PGM2: variants seen among roughly 807,000 people sequenced by gnomAD.
PGM2 encodes the protein phosphopentomutase.
PGM2 carries 57 observed loss-of-function variants against 74.6 expected under a neutral mutation model. The ratio of observed to expected loss-of-function variants is 0.76; its 90% confidence interval spans 0.62 to 0.95. The LOEUF (loss-of-function observed/expected upper bound fraction) is 0.95, where lower values mean the gene tolerates loss of function less well. Among genes scored for constraint, PGM2 ranks in the 40% least tolerant of loss-of-function variants. The pLI is 0.00. For missense variants in PGM2, 706 were observed against 741.9 expected (o/e 0.95, Z 0.56); for synonymous variants, 273 against 260.7 (o/e 1.05, Z -0.46).
intron 13 of PGM2, among the ~76,000 whole-genome samples, chr4:37,856,162 G>T (rs1443030852): frequency 6.6e-6 from 1 of 152,034 alleles, no homozygotes; most frequent in Non-Finnish European, 1.5e-5. Context: ...GAGGCAGGCG[G>T]ATCACGAGGT....
At chr4:37,854,257 T>C (rs1284974193) in intron 12 of PGM2, among the ~76,000 whole-genome samples, 1 of 152,238 alleles carries the variant, frequency 6.6e-6, no homozygotes, top group African/African-American at 2.4e-5. Flanking sequence ...CTATCAAATA[T>C]AAATATACCA....
At position 37,846,964 on chromosome 4, in the gene PGM2, G is replaced by A; in HGVS notation, c.1041G>A (p.Leu347=). ...GEWRVFSGNE[L]GALLGWWLFT... ...GGAGGGTGTTTTCAGGCAATGAGTT[G>A]GGGGCCCTCCTGGGCTGGTGGCTTT... Residue 347 remains leucine, a synonymous_variant, in exon 9 of 14, where the codon TTG becomes TTA. Transcript: ENST00000381967. The A allele has an allele frequency of 6.2e-7, 1 of 1,613,316 alleles. No homozygotes were observed. Among genetic ancestry groups the A allele is most frequent in the Non-Finnish European group, 8.5e-7 (1 of 1,179,630 alleles).
chr4:37,828,552 C>T (rs1306418121), intron 1 of PGM2, among the ~76,000 whole-genome samples: 1 of 152,170 alleles, frequency 6.6e-6, no homozygotes, highest in Admixed American at 6.5e-5. Context: ...GCCTTCATCC[C>T]TGCTCTTTTC....
In PGM2 at chr4:37,847,309, A is replaced by T. The variant is rs750266558; in HGVS notation, c.1282+14A>T. ...AAGAAGCTATTGGTAAGAAGTGATC[A>T]TGAACATTAAGGAATTGGCTGCAAG... is the stretch of plus-strand genomic sequence containing the variant. On this transcript the variant is annotated intron_variant, in intron 10 of 13. Coordinates refer to ENST00000381967, the MANE Select transcript of PGM2 (RefSeq NM_018290.4). 2.6e-6 allele frequency: 4 copies of T among 1,566,844 alleles called. No individual in the cohort carries two copies. Among genetic ancestry groups the T allele is most frequent in the African/African-American group, 2.7e-5 (2 of 73,952 alleles).
intron 4 of PGM2, among the ~76,000 whole-genome samples, chr4:37,839,046 T>C (rs964477606): frequency 1.3e-5 from 2 of 151,824 alleles, no homozygotes; most frequent in Non-Finnish European, 1.5e-5. Flanking sequence ...AGTTGAAATA[T>C]AAATATTTAA....
rs1725813991 is a variant in PGM2 at position 37,844,511 on chromosome 4, A to G, written c.867A>G (p.Pro289=). 3.7e-6 allele frequency: 6 copies of G among 1,613,956 alleles called. No individual in the cohort carries two copies. Among genetic ancestry groups the G allele is most frequent in the Non-Finnish European group, 5.1e-6 (6 of 1,179,854 alleles). The stretch of plus-strand genomic sequence containing the variant: ...AGAAAGATCCGGATCCTGAGTTTCC[A>G]ACAGTGAAATACCCGAATCCCGAAG... ...PEQKDPDPEF[P]TVKYPNPEEG... is the part of the protein sequence containing the mutation. Residue 289 remains proline (P), a synonymous_variant, in exon 7 of 14, where the codon CCA becomes CCG. Coordinates refer to ENST00000381967, the MANE Select transcript of PGM2 (RefSeq NM_018290.4).
intron 1 of PGM2, among the ~76,000 whole-genome samples, chr4:37,828,551 C>T (rs1409403216): frequency 1.3e-5 from 2 of 152,132 alleles, no homozygotes; most frequent in East Asian, 3.9e-4. Flanking sequence ...TGCCTTCATC[C>T]CTGCTCTTTT....
intron 8 of PGM2, among the ~76,000 whole-genome samples, chr4:37,846,108 G>A (rs543302221): frequency 6.6e-6 from 1 of 152,320 alleles, no homozygotes; most frequent in East Asian, 1.9e-4. Flanking sequence ...GGAGGGAGCA[G>A]TACCTTCAAG....
At chr4:37,854,648 G>A (rs778058723) in intron 12 of PGM2, among the ~76,000 whole-genome samples, 1 of 151,086 alleles carries the variant, frequency 6.6e-6, no homozygotes, top group Non-Finnish European at 1.5e-5. Context: ...ATGAGCCACC[G>A]CGCCCAGCCT....
rs771252438 is a variant in PGM2, at chr4:37,834,639, A to G, written c.271A>G (p.Lys91Glu). ...GTAGGGATTTTGCAGATACCTGGAA[A>G]AACAATTCAGTGACTTAAAGCAGAA... ...TTQGFCRYLE[K>E]QFSDLKQKGI... The change falls in exon 3 of 14, where the codon AAA (lysine) becomes GAA (glutamate). Residue 91 changes from lysine to glutamate, a missense_variant. By Grantham distance (56) the Lys-to-Glu change is moderately conservative (BLOSUM62 1). Transcript: ENST00000381967. The G allele has an allele frequency of 1.9e-6, 3 of 1,590,710 alleles. No individual in the cohort carries two copies. The South Asian group carries it at 3.3e-5, about 18-fold the overall frequency.
intron 13 of PGM2, among the ~76,000 whole-genome samples, chr4:37,859,833 A>G (rs1711704829): frequency 6.6e-6 from 1 of 152,210 alleles, no homozygotes; most frequent in Non-Finnish European, 1.5e-5. Context: ...ATTCTGATAA[A>G]GAGATCCATC....
chr4:37,858,796 C>T (rs542916975), intron 13 of PGM2, among the ~76,000 whole-genome samples: 65 of 152,170 alleles, frequency 4.3e-4, no homozygotes, highest in Admixed American at 1.3e-3. Flanking sequence ...GTATGTGCTG[C>T]TTTAAAAATA....
chr4:37,857,204 G>A (rs1167874078), intron 13 of PGM2, among the ~76,000 whole-genome samples: 2 of 152,106 alleles, frequency 1.3e-5, no homozygotes, highest in South Asian at 2.1e-4. Flanking sequence ...TCTCAGTGGC[G>A]CTTGCCACAT....
intron 6 of PGM2, among the ~76,000 whole-genome samples, chr4:37,843,612 T>TA (rs199672545): frequency 0.082 from 12,238 of 148,356 alleles, 948 homozygotes; most frequent in African/African-American, 0.18. Context: ...TTATTATTAT[T>TA]TTTTTTTTTT....
At chr4:37,847,628 T>G in intron 10 of PGM2, 1 of 296,568 alleles carries the variant, frequency 3.4e-6, no homozygotes, top group Non-Finnish European at 6.5e-6. Flanking sequence ...CACTGTGGTA[T>G]TTAATGTCCC....
intron 3 of PGM2, among the ~76,000 whole-genome samples, chr4:37,836,962 C>T (rs865840582): frequency 2.7e-4 from 41 of 152,028 alleles, no homozygotes; most frequent in Middle Eastern, 6.8e-3. Context: ...GTGTGGTGTA[C>T]GCTGGATTGT....
intron 11 of PGM2, 53 bp from the exon 12 acceptor site, chr4:37,850,131 A>G (rs1014032938): frequency 9.7e-7 from 1 of 1,033,890 alleles, no homozygotes; most frequent in African/African-American, 1.6e-5. Context: ...TTCTGTGTCC[A>G]CCCTACAAAA....
In PGM2 at chr4:37,839,920, A is replaced by G; in HGVS notation, c.514A>G (p.Asn172Asp). The change falls in exon 5 of 14, where the codon AAT becomes GAT. Residue 172 changes from asparagine to aspartate, a missense_variant. By Grantham distance (23) the Asn-to-Asp change is conservative. Around this residue, in one of 3 missense-constraint regions of PGM2, gnomAD observed 332 missense variants for 334.9 expected, o/e 0.99. Coordinates refer to ENST00000381967, the MANE Select transcript of PGM2 (RefSeq NM_018290.4). Reference protein sequence around the residue: ...ITASHNPKQDNGYKVYWDNGA... With the variant: ...ITASHNPKQDDGYKVYWDNGA... ...TGCATCTCACAATCCAAAGCAGGAT[A>G]ATGGTTATAAGGTATTTTCCTTTTT... 1 of 1,595,034 alleles carries G rather than the reference A, an allele frequency of 6.3e-7. No individual in the cohort carries two copies. The highest frequency in any genetic ancestry group is 1.1e-5 in the South Asian group (1 of 90,642).
intron 6 of PGM2, 124 bp from the exon 7 acceptor site, chr4:37,844,240 C>G: frequency 1.7e-6 from 1 of 599,328 alleles, no homozygotes; most frequent in South Asian, 2.3e-5. Context: ...AGAATGGATA[C>G]GTTTTGTTTT....
Sources: allele counts gnomAD v4.1 joint callset (sites outside exome capture counted in the v4.1 genomes callset), GRCh38; gene constraint gnomAD v4.1.1; regional missense constraint gnomAD v4.1.1; transcripts MANE v1.5; gene names NCBI Gene and HGNC (gene_info 2026-07-23, HGNC 2026-07-21).